The following MACF1 variants were observed in gnomAD, a reference collection of about 807,000 sequenced individuals.
The protein encoded by MACF1 is microtubule actin crosslinking factor 1.
In MACF1, 193 loss-of-function variants were observed where a neutral mutation model predicts 854.8. The ratio of observed to expected loss-of-function variants is 0.23; its 90% confidence interval spans 0.20 to 0.25. The LOEUF (loss-of-function observed/expected upper bound fraction) is 0.25. Among genes scored for constraint, MACF1 ranks in the 10% least tolerant of loss-of-function variants. The pLI is 1.00. For missense variants in MACF1, 7,722 were observed against 8,929.1 expected, an observed-to-expected ratio of 0.86 and a Z score of 5.45; for synonymous variants, 3,185 against 3,226.7, an observed-to-expected ratio of 0.99 and a Z score of 0.44.
chr1:39,371,583 G>A (rs1649249532), intron 51 of MACF1, among the ~76,000 whole-genome samples: 1 of 152,082 alleles, frequency 6.6e-6, no homozygotes, highest in Non-Finnish European at 1.5e-5. Flanking sequence ...TGGTATTTTT[G>A]TCTTAGAGCA....
rs532968833 is a variant in MACF1, at chr1:39,105,862, G to C, written c.220+21424G>C. 8 of 620,212 alleles carry C rather than the reference G, an allele frequency of 1.3e-5. No homozygotes were observed. The highest frequency in any genetic ancestry group is 7.0e-5 in the South Asian group (1 of 14,218). The allele number at this position is 620,212 out of a possible 1,614,324, so 38.4% of individuals were successfully genotyped here. On this transcript the variant is annotated intron_variant, in intron 2 of 93. Coordinates refer to the MACF1 transcript ENST00000361689. The surrounding 1 kb of genome is among the most constrained non-coding windows in gnomAD (Gnocchi z 5.9). ...GCTTGGCCCTGAGCTGCTGCTTCTCGGGGCCAGTTTATTTACAGAGTTGAG... is the reference window on the plus strand; with the variant it reads ...GCTTGGCCCTGAGCTGCTGCTTCTCCGGGCCAGTTTATTTACAGAGTTGAG...
At chr1:39,241,659 CAAAAAAA>C (rs35678466) in intron 2 of MACF1, among the ~76,000 whole-genome samples, 7 of 51,484 alleles carry the variant, frequency 1.4e-4, no homozygotes, top group Admixed American at 4.6e-4. Context: ...GACTCCATCT[CAAAAAAA>C]AAAAAAAAAA....
rs1646806735 is a variant in MACF1 at position 39,336,158 on chromosome 1, A to T, written c.9570A>T (p.Thr3190=). ...PARGLKLEEI[T]VSRPDSKEVR... ...GAGGTCTTAAATTGGAAGAAATCAC[A>T]GTTTCTAGACCAGATTCAAAAGAAG... is the stretch of plus-strand genomic sequence containing the variant. Residue 3190 remains threonine, a synonymous_variant, in exon 37 of 101, where the codon ACA becomes ACT. Transcript: ENST00000564288. 6.2e-7 allele frequency: 1 copy of T among 1,614,200 alleles called. No individual in the cohort carries two copies. Among genetic ancestry groups the T allele is most frequent in the Non-Finnish European group, 8.5e-7 (1 of 1,180,022 alleles).
chr1:39,095,561 CAAAAAAAAAA>C (rs34021324), intron 2 of MACF1, among the ~76,000 whole-genome samples: 109 of 55,860 alleles, frequency 2.0e-3, no homozygotes, highest in Admixed American at 3.1e-3. Context: ...GACTCTGTCT[CAAAAAAAAAA>C]AAAAAAAAAA....
chr1:39,129,060 A>G (rs1642931146), intron 2 of MACF1, among the ~76,000 whole-genome samples: 1 of 152,126 alleles, frequency 6.6e-6, no homozygotes, highest in Non-Finnish European at 1.5e-5. Context: ...GTAAATGTTG[A>G]TGTGATTGGA....
At chr1:39,290,384 G>T (rs1002428986) in intron 15 of MACF1, among the ~76,000 whole-genome samples, 25 of 152,016 alleles carry the variant, frequency 1.6e-4, no homozygotes, top group Non-Finnish European at 3.2e-4. Context: ...CTGTTCCATT[G>T]GTCTATGTGT....
At chr1:39,308,634 C>T (rs1385454636) in intron 23 of MACF1, among the ~76,000 whole-genome samples, 3 of 151,862 alleles carry the variant, frequency 2.0e-5, no homozygotes, top group Admixed American at 1.3e-4. Flanking sequence ...AAAGAAATCT[C>T]AAACCCTTCA....
intron 23 of MACF1, among the ~76,000 whole-genome samples, chr1:39,303,876 CAAA>C (rs759506102): frequency 1.1e-5 from 1 of 90,820 alleles, no homozygotes. Context: ...GACTCCGTCT[CAAA>C]AAAAAAAAAA....
chr1:39,248,653 C>T (rs193132136), intron 2 of MACF1, among the ~76,000 whole-genome samples: 7 of 152,268 alleles, frequency 4.6e-5, no homozygotes, highest in African/African-American at 1.4e-4. Context: ...CCCTTTCTAG[C>T]GTTGTCTGGA....
chr1:39,275,458 G>A (rs1235207637), intron 6 of MACF1, among the ~76,000 whole-genome samples: 2 of 151,916 alleles, frequency 1.3e-5, no homozygotes, highest in African/African-American at 2.4e-5. Context: ...CCATCATAGC[G>A]CACAGTAGCC....
chr1:39,333,548 C>T lies in MACF1; in HGVS notation c.6960C>T (p.His2320=). ...EAISRGIVPS[H]TAVKLMEKLN... ...TATCCCGAGGCATTGTGCCAAGTCA[C>T]ACTGCCGTGAAGCTTATGGAGAAGC... The change falls in exon 37 of 101, where the codon CAC becomes CAT. Residue 2320 remains histidine (H), a synonymous_variant. Coordinates refer to ENST00000564288, the MANE Select transcript of MACF1 (RefSeq NM_001394062.1). 1 of 1,614,234 alleles carries T rather than the reference C, an allele frequency of 6.2e-7. No homozygotes were observed. Among genetic ancestry groups the T allele is most frequent in the Non-Finnish European group, 8.5e-7 (1 of 1,180,036 alleles).
chr1:39,477,075 A>ATATACACTTAGTGTG lies in MACF1; in HGVS notation c.21959-2719_21959-2718insCACTTAGTGTGTATA. On this transcript the variant is annotated intron_variant, in intron 97 of 100. Coordinates refer to ENST00000564288, the MANE Select transcript of MACF1 (RefSeq NM_001394062.1). ...TATATATATATATATATATATATAT[A>ATATACACTTAGTGTG]TATATATATATATATACACACACAC... is the stretch of plus-strand genomic sequence containing the variant. Among the ~76,000 whole-genome samples the ATATACACTTAGTGTG allele has an allele frequency of 9.7e-5, 5 of 51,308 alleles. No homozygotes were observed. The South Asian group carries it at 2.9e-3, about 30-fold the overall frequency. The allele number at this position is 51,308 out of a possible 152,430, so 33.7% of individuals were successfully genotyped here. A position where few individuals can be genotyped will look rare whatever the true frequency, so the allele number is the denominator to read the frequency against.
At chr1:39,447,297 G>A in intron 80 of MACF1, 135 bp from the exon 81 acceptor site, 1 of 765,472 alleles carries the variant, frequency 1.3e-6, no homozygotes. Context: ...AGCATGTTTG[G>A]ACGTTGATTA....
chr1:39,332,395 A>G lies in MACF1; in HGVS notation c.5807A>G (p.Glu1936Gly). 1.9e-6 allele frequency: 3 copies of G among 1,614,112 alleles called. No homozygotes were observed. The highest frequency in any genetic ancestry group is 2.5e-6 in the Non-Finnish European group (3 of 1,180,034). ...CACATGCAACTAGCAGACTCTGCAGAACAAAATATTAATCCTGGAGCAGCA... is the reference window on the plus strand; with the variant it reads ...CACATGCAACTAGCAGACTCTGCAGGACAAAATATTAATCCTGGAGCAGCA... ...MPHMQLADSAEQNINPGAAVL... is the reference protein window; with the variant it reads ...MPHMQLADSAGQNINPGAAVL... The change falls in exon 37 of 101, where the codon GAA (glutamate) becomes GGA (glycine). Residue 1936 changes from glutamate (E) to glycine (G), a missense_variant. Transcript: ENST00000564288.
At chr1:39,086,155 A>G (rs1641669712) in intron 2 of MACF1, among the ~76,000 whole-genome samples, 1 of 152,234 alleles carries the variant, frequency 6.6e-6, no homozygotes, top group Admixed American at 6.5e-5. Flanking sequence ...TACATGCTAG[A>G]GATCAATTGG....
intron 40 of MACF1, among the ~76,000 whole-genome samples, chr1:39,345,501 CTT>C (rs1413548724): frequency 6.6e-6 from 1 of 152,114 alleles, no homozygotes; most frequent in Non-Finnish European, 1.5e-5. Context: ...GTCCCAGCTA[CTT>C]GGAAGGCTGA....
Position 39,333,012 on chromosome 1 carries a change from G to T in MACF1, c.6424G>T (p.Val2142Leu). 1 of 1,614,104 alleles carries T rather than the reference G, an allele frequency of 6.2e-7. No homozygotes were observed. Among genetic ancestry groups the T allele is most frequent in the Non-Finnish European group, 8.5e-7 (1 of 1,180,032 alleles). ...LTIPPAEAEGVPLVVDKDVFS... is the reference protein window; with the variant it reads ...LTIPPAEAEGLPLVVDKDVFS... ...CATACCTCCTGCTGAGGCGGAAGGT[G>T]TGCCGTTGGTGGTTGACAAAGATGT... The change falls in exon 37 of 101, where the codon GTG becomes TTG. Residue 2142 changes from valine (V) to leucine (L), a missense_variant. Val to Leu is a conservative substitution (Grantham distance 32). Coordinates refer to ENST00000564288, the MANE Select transcript of MACF1 (RefSeq NM_001394062.1).
chr1:39,232,765 TTTTG>T (rs1182748875), intron 2 of MACF1, among the ~76,000 whole-genome samples: 103 of 138,056 alleles, frequency 7.5e-4, no homozygotes, highest in Middle Eastern at 3.6e-3. Context: ...TTTTTTTTTT[TTTTG>T]TTTGTTTGTT....
chr1:39,374,071 A>G (rs192673142), intron 52 of MACF1, among the ~76,000 whole-genome samples: 2,100 of 149,310 alleles, frequency 0.014, 30 homozygotes, highest in Non-Finnish European at 0.018. Flanking sequence ...GTGAAACCCC[A>G]TCTCTACTAA....
Sources: allele counts gnomAD v4.1 joint callset (sites outside exome capture counted in the v4.1 genomes callset), GRCh38; gene constraint gnomAD v4.1.1; non-coding constraint Gnocchi (gnomAD v3.1); transcripts MANE v1.5; gene names NCBI Gene and HGNC (gene_info 2026-07-23, HGNC 2026-07-21).